Variants in TPT1 observed in about 807,000 individuals in gnomAD.
TPT1 encodes translationally-controlled tumor protein.
Under a neutral mutation model 22.8 loss-of-function variants are expected in TPT1, and 5 were observed. The ratio of observed to expected loss-of-function variants is 0.22; its 90% CI spans 0.11 to 0.46. TPT1 has a LOEUF of 0.46. TPT1 is among the 20% of genes least tolerant of loss of function. TPT1 has a pLI of 0.99. For synonymous variants in TPT1, 89 were observed against 73.6 expected (o/e 1.21, Z -1.07); for missense variants, 130 against 218.7 (o/e 0.59, Z 2.56).
chr13:45,340,542 A>G (rs573535946), intron 2 of TPT1, 170 bp downstream of exon 2: 1 of 886,436 alleles, frequency 1.1e-6, no homozygotes, highest in Non-Finnish European at 1.8e-6. Flanking sequence ...CGGCGGGCCT[A>G]TTTCCAGGAT....
Position 45,337,369 on chromosome 13 carries a change from A to C in TPT1, c.*17T>G. ...TTATGATGACAGGTGATAGATCCAA[A>C]ATAATTGCCACATTTGTTACTGTAA... On this transcript the variant is annotated 3_prime_UTR_variant, in exon 6 of 6. Coordinates refer to ENST00000530705, the MANE Select transcript of TPT1 (RefSeq NM_003295.4). The C allele has an allele frequency of 6.2e-7, 1 of 1,613,884 alleles. No homozygotes were observed. Among genetic ancestry groups the C allele is most frequent in the African/African-American group, 1.3e-5 (1 of 75,052 alleles).
At chr13:45,339,396 C>A in intron 4 of TPT1, 101 bp downstream of exon 4, 1 of 993,018 alleles carries the variant, frequency 1.0e-6, no homozygotes, top group South Asian at 2.1e-5. Flanking sequence ...CCACTTTCTA[C>A]ACCTGGAATA....
rs192800764 is a variant in TPT1 at position 45,335,955 on chromosome 13, G to A, written c.*1431C>T. 4 of 152,232 alleles carry A rather than the reference G, an allele frequency of 2.6e-5. No homozygotes were observed. The highest frequency in any genetic ancestry group is 4.4e-5 in the Non-Finnish European group (3 of 68,014). 9.4% of individuals were successfully genotyped at this position (152,232 alleles called of 1,614,324 possible). The stretch of plus-strand genomic sequence containing the variant: ...ATGTTCAAGCAGACCAGAGTCACTG[G>A]CCTGCTTTTAATCTTTCTTTTACAA... On this transcript the variant is annotated 3_prime_UTR_variant, in exon 6 of 6. Coordinates refer to ENST00000530705, the MANE Select transcript of TPT1 (RefSeq NM_003295.4).
intron 5 of TPT1, 123 bp downstream of exon 5, chr13:45,338,537 A>G: frequency 6.8e-7 from 1 of 1,459,938 alleles, no homozygotes; most frequent in Non-Finnish European, 9.0e-7. Flanking sequence ...ATCCCCAAAG[A>G]GAAAACTAAA....
chr13:45,338,789 A>G lies in TPT1; in HGVS notation c.400-13T>C. 1 of 1,567,682 alleles carries G rather than the reference A, an allele frequency of 6.4e-7. No individual in the cohort carries two copies. Among genetic ancestry groups the G allele is most frequent in the Non-Finnish European group, 8.6e-7 (1 of 1,158,042 alleles). ...CACCAATAAAGAACTTGGGAAGCAAACAAAATACCTAGAATTAGACTATTA... is the reference window on the plus strand; with the variant it reads ...CACCAATAAAGAACTTGGGAAGCAAGCAAAATACCTAGAATTAGACTATTA... On this transcript the variant is annotated splice_polypyrimidine_tract_variant and intron_variant, in intron 4 of 5. Transcript: ENST00000530705.
In TPT1 at chr13:45,334,439, C is replaced by G. The variant is rs903973445; in HGVS notation, c.*2947G>C. 6.6e-6 allele frequency: 1 copy of G among 152,228 alleles called. No homozygotes were observed. The highest frequency in any genetic ancestry group is 2.4e-5 in the African/African-American group (1 of 41,444). The allele number at this position is 152,228 out of a possible 1,614,324, so 9.4% of individuals were successfully genotyped here. A position where few individuals can be genotyped will look rare whatever the true frequency, so the allele number is the denominator to read the frequency against. The stretch of plus-strand genomic sequence containing the variant: ...ATCTTTCCACTCTCTATATAGTTCT[C>G]CAGCTTAGACTTCTCTGAAGAATCA... On this transcript the variant is annotated 3_prime_UTR_variant, in exon 6 of 6. Transcript: ENST00000530705.
At chr13:45,340,874 C>T in intron 1 of TPT1, 89 bp from the exon 2 acceptor site, 1 of 1,458,734 alleles carries the variant, frequency 6.9e-7, no homozygotes, top group Non-Finnish European at 9.1e-7. Context: ...GCGGGATCTG[C>T]CCCTCCGTAG....
Position 45,341,162 on chromosome 13 carries a change from G to A in TPT1, c.-93C>T, listed in dbSNP as rs556312016. The stretch of plus-strand genomic sequence containing the variant: ...GTGCAGCCGGAGCGGCGCTCGGGGG[G>A]AGGGGGGAGCGGGCGGAAAAGGCCG... On this transcript the variant is annotated 5_prime_UTR_variant, in exon 1 of 6. Transcript: ENST00000530705. 2.6e-5 allele frequency: 40 copies of A among 1,559,718 alleles called. No individual in the cohort carries two copies. Among genetic ancestry groups the A allele is most frequent in the African/African-American group, 5.4e-5 (4 of 73,516 alleles).
rs776742892 is a variant in TPT1 at position 45,335,038 on chromosome 13, T to C, written c.*2348A>G. On this transcript the variant is annotated 3_prime_UTR_variant, in exon 6 of 6. Coordinates refer to ENST00000530705, the MANE Select transcript of TPT1 (RefSeq NM_003295.4). ...CTCCACTCAGTTGTTCTCCACACTT[T>C]AACAAACCCTAGGGCCCACAGGCTA... is the stretch of plus-strand genomic sequence containing the variant. The C allele has an allele frequency of 1.1e-4, 16 of 152,224 alleles. No individual in the cohort carries two copies. The highest frequency in any genetic ancestry group is 2.1e-4 in the Non-Finnish European group (14 of 68,040). The allele number at this position is 152,224 out of a possible 1,614,324, so 9.4% of individuals were successfully genotyped here. A position where few individuals can be genotyped will look rare whatever the true frequency, so the allele number is the denominator to read the frequency against.
rs1879106947 is a variant in TPT1 at position 45,341,144 on chromosome 13, CGGAGCGGCGCTCGGGGGGAGGGG to C, written c.-98_-76del. 1 of 1,586,070 alleles carries C rather than the reference CGGAGCGGCGCTCGGGGGGAGGGG, an allele frequency of 6.3e-7. No homozygotes were observed. The highest frequency in any genetic ancestry group is 1.3e-5 in the African/African-American group (1 of 74,136). The stretch of plus-strand genomic sequence containing the variant: ...AAACTCGGAGCGAGCGCGGTGCAGC[CGGAGCGGCGCTCGGGGGGAGGGG>C]GGAGCGGGCGGAAAAGGCCGACTCA... On this transcript the variant is annotated 5_prime_UTR_variant, in exon 1 of 6. Transcript: ENST00000530705.
chr13:45,339,909 C>A, intron 3 of TPT1, 85 bp downstream of exon 3: 1 of 1,450,910 alleles, frequency 6.9e-7, no homozygotes. Flanking sequence ...AAAGTATACC[C>A]ACTGCGAAAG....
rs556312016 is a variant in TPT1 at position 45,341,162 on chromosome 13, G to C, written c.-93C>G. The C allele has an allele frequency of 3.8e-6, 6 of 1,559,602 alleles. No homozygotes were observed. Among genetic ancestry groups the C allele is most frequent in the Admixed American group, 3.7e-5 (2 of 54,180 alleles). The stretch of plus-strand genomic sequence containing the variant: ...GTGCAGCCGGAGCGGCGCTCGGGGG[G>C]AGGGGGGAGCGGGCGGAAAAGGCCG... On this transcript the variant is annotated 5_prime_UTR_variant, in exon 1 of 6. Transcript: ENST00000530705.
chr13:45,340,911 G>A (rs1010604774), intron 1 of TPT1, 126 bp from the exon 2 acceptor site: 2 of 1,505,038 alleles, frequency 1.3e-6, no homozygotes, highest in Non-Finnish European at 1.8e-6. Flanking sequence ...GCGAGCCCCG[G>A]GCACCGACCC....
At chr13:45,341,007 T>C in intron 1 of TPT1, 35 bp downstream of exon 1, 6 of 1,487,310 alleles carry the variant, frequency 4.0e-6, no homozygotes, top group Middle Eastern at 1.7e-4. Context: ...CAGACCCCCG[T>C]GTGCGGCAGT....
At chr13:45,338,584 G>A (rs543247477) in intron 5 of TPT1, 76 bp downstream of exon 5, 14 of 1,565,594 alleles carry the variant, frequency 8.9e-6, no homozygotes, top group South Asian at 4.8e-5. Context: ...CATTCTCAGT[G>A]TCACAAAACA....
At chr13:45,340,644 C>A in intron 2 of TPT1, 68 bp downstream of exon 2, 1 of 1,507,782 alleles carries the variant, frequency 6.6e-7, no homozygotes. Context: ...CAACCTCAGG[C>A]GGGGGAGCGG....
In TPT1 at chr13:45,335,641, T is replaced by G. The variant is rs1021140333; in HGVS notation, c.*1745A>C. 6.6e-6 allele frequency: 1 copy of G among 152,168 alleles called. No homozygotes were observed. Among genetic ancestry groups the G allele is most frequent in the Non-Finnish European group, 1.5e-5 (1 of 68,058 alleles). 9.4% of individuals were successfully genotyped at this position (152,168 alleles called of 1,614,324 possible). A position where few individuals can be genotyped will look rare whatever the true frequency, so the allele number is the denominator to read the frequency against. ...TGTCAAATCAGAACGCTAAGCCAGGTGCAATGCCTCACACCTGTAATCCCA... is the reference window on the plus strand; with the variant it reads ...TGTCAAATCAGAACGCTAAGCCAGGGGCAATGCCTCACACCTGTAATCCCA... On this transcript the variant is annotated 3_prime_UTR_variant, in exon 6 of 6. Transcript: ENST00000530705.
chr13:45,338,872 AC>A (rs1412564058), intron 4 of TPT1, 96 bp from the exon 5 acceptor site: 3 of 1,058,766 alleles, frequency 2.8e-6, no homozygotes, highest in African/African-American at 3.3e-5. Context: ...TTAGACCACC[AC>A]AAAAATCAAA....
rs1406550071 is a variant in TPT1 at position 45,336,802 on chromosome 13, GA to G, written c.*583del. ...GCCAGTCCCTGTTCTAGTTACCAGGGAGTTTAATTAACATTCATCCCAAAAG... is the reference window on the plus strand; with the variant it reads ...GCCAGTCCCTGTTCTAGTTACCAGGGGTTTAATTAACATTCATCCCAAAAG... On this transcript the variant is annotated 3_prime_UTR_variant, in exon 6 of 6. Transcript: ENST00000530705. The G allele has an allele frequency of 6.5e-6, 1 of 153,070 alleles. No individual in the cohort carries two copies. The highest frequency in any genetic ancestry group is 2.4e-5 in the African/African-American group (1 of 41,460). 9.5% of individuals were successfully genotyped at this position (153,070 alleles called of 1,614,324 possible).
Sources: gnomAD v4.1 joint callset for allele counts on GRCh38, gnomAD v4.1.1 for gene constraint, MANE v1.5 for transcripts, NCBI Gene and HGNC (gene_info 2026-07-23, HGNC 2026-07-21) for gene names.